The following FGD6 variants were observed in gnomAD, a reference collection of about 807,000 sequenced individuals.
FGD6 encodes the protein FYVE, RhoGEF and PH domain-containing protein 6.
FGD6 carries 90 observed loss-of-function variants against 149.4 expected under a neutral mutation model. The observed-to-expected ratio is 0.60, with a 90% confidence interval of 0.51 to 0.72. The LOEUF is 0.72. Among genes scored for constraint, FGD6 ranks in the 30% least tolerant of loss-of-function variants. FGD6 has a pLI of 0.00. For missense variants in FGD6, 1,437 were observed against 1,684.8 expected, an observed-to-expected ratio of 0.85 and a Z score of 2.57; for synonymous variants, 527 against 584.0, an observed-to-expected ratio of 0.90 and a Z score of 1.41.
intron 14 of FGD6, among the ~76,000 whole-genome samples, chr12:95,095,592 G>A (rs1049550434): frequency 1.3e-5 from 2 of 151,878 alleles, no homozygotes; most frequent in African/African-American, 4.8e-5. Context: ...GAGGGAATGA[G>A]AGAAAGAAAG....
rs182999734 is a variant in FGD6, at chr12:95,179,144, A to G, written c.2442-6400T>C. ...AACCTCCACCTTTGCGAATACCATT[A>G]CTATCACCTTCCCCCAAGTAATTAC... On this transcript the variant is annotated intron_variant, in intron 2 of 20. Coordinates refer to ENST00000343958, the MANE Select transcript of FGD6 (RefSeq NM_018351.4). Among the ~76,000 whole-genome samples, 46 of 152,236 alleles carry G rather than the reference A, an allele frequency of 3.0e-4. 1 individual carries two copies. The highest frequency in any genetic ancestry group is 1.6e-3 in the Admixed American group (25 of 15,286).
intron 3 of FGD6, among the ~76,000 whole-genome samples, chr12:95,165,479 A>T (rs1261385653): frequency 6.6e-6 from 1 of 151,646 alleles, no homozygotes; most frequent in Non-Finnish European, 1.5e-5. Context: ...GATTACAGGC[A>T]TGCACCACCA....
At chr12:95,118,612 G>A (rs1430870563) in intron 8 of FGD6, among the ~76,000 whole-genome samples, 3 of 152,164 alleles carry the variant, frequency 2.0e-5, no homozygotes, top group Non-Finnish European at 4.4e-5. Context: ...ACTGAGAAAT[G>A]TTTGGCAGCA....
chr12:95,108,047 T>C (rs1401334795), intron 11 of FGD6, among the ~76,000 whole-genome samples: 1 of 152,176 alleles, frequency 6.6e-6, no homozygotes, highest in Non-Finnish European at 1.5e-5. Flanking sequence ...TTAAATGAAA[T>C]TGTCTTCAAA....
intron 8 of FGD6, among the ~76,000 whole-genome samples, chr12:95,129,439 C>A (rs2136254284): frequency 6.6e-6 from 1 of 152,224 alleles, no homozygotes; most frequent in East Asian, 1.9e-4. Context: ...CCTAATTACA[C>A]CTGTCAGTTG....
At chr12:95,185,603 C>T (rs1317029427) in intron 2 of FGD6, among the ~76,000 whole-genome samples, 2 of 152,196 alleles carry the variant, frequency 1.3e-5, no homozygotes, top group Admixed American at 1.3e-4. Context: ...TGGCTTACGC[C>T]TGTAATCCCA....
chr12:95,121,488 T>TAC (rs1424162355), intron 8 of FGD6, among the ~76,000 whole-genome samples: 1 of 145,252 alleles, frequency 6.9e-6, no homozygotes, highest in Non-Finnish European at 1.5e-5. Flanking sequence ...TATGTATATA[T>TAC]ATATATATAT....
Position 95,105,041 on chromosome 12 carries a change from C to G in FGD6, c.3463G>C (p.Glu1155Gln). 1.2e-6 allele frequency: 2 copies of G among 1,608,602 alleles called. No individual in the cohort carries two copies. Among genetic ancestry groups the G allele is most frequent in the South Asian group, 1.1e-5 (1 of 89,494 alleles). ...QEAYQNELKI[E>Q]SVERSFILSA... ...AGAATGAAGGAACGTTCTACACTTT[C>G]AATCTTTAATTCATTCTGATAGGCT... is the stretch of plus-strand genomic sequence containing the variant. The change falls in exon 14 of 21, where the codon GAA (glutamate) becomes CAA (glutamine). Residue 1155 changes from glutamate (E) to glutamine (Q), a missense_variant. Physicochemically the swap from Glu to Gln is conservative, Grantham distance 29 (BLOSUM62 2). Transcript: ENST00000343958.
At position 95,210,770 on chromosome 12, in the gene FGD6, C is replaced by A. The variant is rs1384258106; in HGVS notation, c.514G>T (p.Val172Phe). ...TCTAAAACGCTTGCCTTTAAAACAA[C>A]CCCACCCTGGTTCTTGGCTTTTTCA... is the stretch of plus-strand genomic sequence containing the variant. ...YGEKAKNQGG[V>F]VLKASVLEEE... The change falls in exon 2 of 21, where the codon GTT (valine) becomes TTT (phenylalanine). Residue 172 changes from valine to phenylalanine, a missense_variant. This residue lies in a region of FGD6 where 1,055 missense variants were observed against 1,146.0 expected (regional missense o/e 0.92). Coordinates refer to ENST00000343958, the MANE Select transcript of FGD6 (RefSeq NM_018351.4). The A allele has an allele frequency of 6.2e-7, 1 of 1,614,106 alleles. No homozygotes were observed. The highest frequency in any genetic ancestry group is 8.5e-7 in the Non-Finnish European group (1 of 1,180,004).
chr12:95,158,103 C>A (rs1159725878), intron 3 of FGD6, among the ~76,000 whole-genome samples: 1 of 151,534 alleles, frequency 6.6e-6, no homozygotes, highest in African/African-American at 2.4e-5. Context: ...GTCTCAGCCT[C>A]CCAAAGTGCT....
At position 95,153,086 on chromosome 12, in the gene FGD6, G is replaced by T. The variant is rs1247141759; in HGVS notation, c.2587-93C>A. Reference sequence around the variant, plus strand: ...GACACGAATTTTAACTCTGATACTTGTAAGTTTCCTCCTAGCACACAGTTC... The same window carrying T: ...GACACGAATTTTAACTCTGATACTTTTAAGTTTCCTCCTAGCACACAGTTC... On this transcript the variant is annotated intron_variant, in intron 3 of 20. Transcript: ENST00000343958. 5 of 1,081,778 alleles carry T rather than the reference G, an allele frequency of 4.6e-6. No homozygotes were observed. In the East Asian group the frequency reaches 1.2e-4, roughly 26 times the overall value. The allele number at this position is 1,081,778 out of a possible 1,614,324, so 67.0% of individuals were successfully genotyped here. A position where few individuals can be genotyped will look rare whatever the true frequency, so the allele number is the denominator to read the frequency against.
rs142473900 is a variant in FGD6 at position 95,112,534 on chromosome 12, A to C, written c.3133+1117T>G. On this transcript the variant is annotated intron_variant, in intron 9 of 20. Transcript: ENST00000343958. ...ATAATTGCTTGAACCCAGGAGGCAG[A>C]GGTTGCAGTGAGCCGATATCGTGCC... 6.6e-3 allele frequency among the ~76,000 whole-genome samples: 1,007 copies of C among 152,110 alleles called. 15 individuals are homozygous for C. The highest frequency in any genetic ancestry group is 0.022 in the African/African-American group (893 of 41,502).
chr12:95,172,623 G>C lies in FGD6; in HGVS notation c.2563C>G (p.Pro855Ala). The stretch of plus-strand genomic sequence containing the variant: ...ACCTGTTTATCTTCCAGTGGGTCAG[G>C]CTCTCCTTTACTTGACTCAGAGCTG... ...DVSSESSKGE[P>A]DPLEDKQDED... is the part of the protein sequence containing the mutation. The change falls in exon 3 of 21, where the codon CCT (proline) becomes GCT (alanine). Residue 855 changes from proline to alanine, a missense_variant. Around this residue, in one of 2 missense-constraint regions of FGD6, gnomAD observed 1,055 missense variants for 1,146.0 expected, o/e 0.92. Transcript: ENST00000343958. 6.2e-7 allele frequency: 1 copy of C among 1,609,912 alleles called. No homozygotes were observed. The highest frequency in any genetic ancestry group is 8.5e-7 in the Non-Finnish European group (1 of 1,177,646).
rs182846921 is a variant in FGD6 at position 95,141,556 on chromosome 12, C to T, written c.2686-17G>A. The T allele has an allele frequency of 1.9e-6, 3 of 1,613,504 alleles. No individual in the cohort carries two copies. The highest frequency in any genetic ancestry group is 1.7e-4 in the Middle Eastern group (1 of 6,058). On this transcript the variant is annotated splice_polypyrimidine_tract_variant and intron_variant, in intron 5 of 20. Transcript: ENST00000343958. Reference sequence around the variant, plus strand: ...CCGGAAATCCTATTACAGTCCAGAGCAGGAAAAACAATACACACACATGTA... The same window carrying T: ...CCGGAAATCCTATTACAGTCCAGAGTAGGAAAAACAATACACACACATGTA...
chr12:95,139,357 T>C (rs1439274154), intron 6 of FGD6, among the ~76,000 whole-genome samples: 1 of 151,880 alleles, frequency 6.6e-6, no homozygotes, highest in Non-Finnish European at 1.5e-5. Context: ...GAAGGATCAC[T>C]TAAGCCTAGG....
intron 2 of FGD6, among the ~76,000 whole-genome samples, chr12:95,194,867 A>G (rs1881698129): frequency 6.6e-6 from 1 of 152,238 alleles, no homozygotes; most frequent in East Asian, 1.9e-4. Context: ...TTCTCTCTCT[A>G]TTGTTTCTTT....
chr12:95,142,205 G>A (rs1003687437), intron 5 of FGD6, among the ~76,000 whole-genome samples: 5 of 150,462 alleles, frequency 3.3e-5, no homozygotes, highest in African/African-American at 4.9e-5. Context: ...ACAGTGGCGC[G>A]ATCTTGGCTC....
At chr12:95,165,964 T>G (rs1460727470) in intron 3 of FGD6, among the ~76,000 whole-genome samples, 4 of 88,428 alleles carry the variant, frequency 4.5e-5, no homozygotes, top group South Asian at 3.5e-4. Context: ...TCTTTTTCTG[T>G]TTTTTTTTTT....
At chr12:95,126,106 A>C in intron 8 of FGD6, 1 of 1,067,910 alleles carries the variant, frequency 9.4e-7, no homozygotes, top group South Asian at 1.3e-5. Flanking sequence ...ATGAAGGCAA[A>C]GAAAATGAGG....
Sources: allele counts gnomAD v4.1 joint callset (sites outside exome capture counted in the v4.1 genomes callset), GRCh38; gene constraint gnomAD v4.1.1; regional missense constraint gnomAD v4.1.1; transcripts MANE v1.5; gene names NCBI Gene and HGNC (gene_info 2026-07-23, HGNC 2026-07-21).